The following ATAD2 variants were observed in gnomAD, a reference collection of about 807,000 sequenced individuals.
ATAD2 encodes the protein ATPase family AAA domain-containing protein 2.
In ATAD2, 62 loss-of-function variants were observed where a neutral mutation model predicts 168.9. That is an observed-to-expected ratio of 0.37 (90% CI 0.30 to 0.45). The LOEUF (loss-of-function observed/expected upper bound fraction) is 0.45, where lower values mean the gene tolerates loss of function less well. Among genes scored for constraint, ATAD2 ranks in the 20% least tolerant of loss-of-function variants. The pLI is 1.00. For missense variants in ATAD2, 1,419 were observed against 1,667.8 expected (o/e 0.85, Z 2.60); for synonymous variants, 613 against 571.6 (o/e 1.07, Z -1.03).
At chr8:123,360,381 G>A (rs749935927) in intron 9 of ATAD2, among the ~76,000 whole-genome samples, 2 of 151,996 alleles carry the variant, frequency 1.3e-5, no homozygotes, top group African/African-American at 2.4e-5. Flanking sequence ...TCACCCTGTC[G>A]CCCAGGCTGG....
chr8:123,360,374 C>A (rs1828778078), intron 9 of ATAD2, among the ~76,000 whole-genome samples: 1 of 152,136 alleles, frequency 6.6e-6, no homozygotes, highest in Admixed American at 6.5e-5. Context: ...CTGAGTCTCA[C>A]CCTGTCGCCC....
At chr8:123,349,569 C>T (rs1215512563) in intron 13 of ATAD2, 125 bp from the exon 14 acceptor site, 3 of 850,138 alleles carry the variant, frequency 3.5e-6, no homozygotes, top group African/African-American at 1.8e-5. Context: ...GGGCACCTCA[C>T]TATTTCCAAT....
intron 1 of ATAD2, among the ~76,000 whole-genome samples, chr8:123,403,281 G>A (rs964405493): frequency 2.0e-5 from 3 of 151,904 alleles, no homozygotes; most frequent in Non-Finnish European, 2.9e-5. Context: ...TGTATTTTTC[G>A]TGGAGACGGG....
At chr8:123,400,894 G>A, upstream of ATAD2, 1 of 1,431,794 alleles carries the variant, frequency 7.0e-7, no homozygotes, top group East Asian at 2.3e-5. This position sits in a 1 kb window ranked among gnomAD's most constrained non-coding sequence, Gnocchi z 4.5. Context: ...GGTGCGGAAG[G>A]TCAAGAAGTT....
In ATAD2 at chr8:123,402,171, T is replaced by A; in HGVS notation, c.-2281-996A>T. 1.5e-6 allele frequency: 1 copy of A among 680,170 alleles called. No individual in the cohort carries two copies. The highest frequency in any genetic ancestry group is 1.6e-5 in the South Asian group (1 of 63,082). 42.1% of individuals were successfully genotyped at this position (680,170 alleles called of 1,614,324 possible). On this transcript the variant is annotated intron_variant, in intron 1 of 28. Transcript: ENST00000521903. This position sits in a 1 kb window ranked among gnomAD's most constrained non-coding sequence, Gnocchi z 4.8. The stretch of plus-strand genomic sequence containing the variant: ...CCAGTGTCCACCTTCGGGCATAGCC[T>A]CCCTCCATCACTGAGTGGTCCACAG...
At chr8:123,411,137 C>A (rs535391395) in intron 1 of ATAD2, among the ~76,000 whole-genome samples, 208 of 152,140 alleles carry the variant, frequency 1.4e-3, no homozygotes, top group Non-Finnish European at 2.5e-3. Flanking sequence ...ACAAGGACCC[C>A]TGGTAACATT....
upstream of ATAD2, among the ~76,000 whole-genome samples, chr8:123,397,240 C>CAAAAAAAAAAAAA (rs71310670): frequency 2.5e-5 from 1 of 40,034 alleles, no homozygotes; most frequent in East Asian, 1.3e-3. Context: ...GACTCTGTCT[C>CAAAAAAAAAAAAA]AAAAAAAAAA....
At chr8:123,330,518 G>C (rs1462524732) in intron 24 of ATAD2, among the ~76,000 whole-genome samples, 1 of 151,878 alleles carries the variant, frequency 6.6e-6, no homozygotes, top group African/African-American at 2.4e-5. Context: ...TGCCGCCACC[G>C]TGCCCGGCTA....
At chr8:123,345,950 T>C (rs1828225837) in intron 18 of ATAD2, 136 bp downstream of exon 18, 1 of 594,658 alleles carries the variant, frequency 1.7e-6, no homozygotes, top group African/African-American at 1.9e-5. Flanking sequence ...GACTAAGCAA[T>C]CATGCATAAC....
At chr8:123,340,280 GCAAA>G (rs745935630) in intron 19 of ATAD2, among the ~76,000 whole-genome samples, 5 of 152,022 alleles carry the variant, frequency 3.3e-5, no homozygotes, top group Admixed American at 6.6e-5. Context: ...AAAATAAAAA[GCAAA>G]CAAACAAACA....
chr8:123,373,989 T>TA (rs1829233498), intron 2 of ATAD2, among the ~76,000 whole-genome samples: 1 of 152,140 alleles, frequency 6.6e-6, no homozygotes, highest in South Asian at 2.1e-4. Flanking sequence ...CCTGATGAGT[T>TA]AACTTATATA....
chr8:123,404,050 C>A (rs983641127), intron 1 of ATAD2, among the ~76,000 whole-genome samples: 2 of 152,092 alleles, frequency 1.3e-5, no homozygotes, highest in African/African-American at 2.4e-5. Flanking sequence ...CTGGGCTAAA[C>A]CAATTAGGAG....
intron 1 of ATAD2, among the ~76,000 whole-genome samples, chr8:123,409,342 T>TAC (rs905477297): frequency 3.3e-5 from 5 of 152,200 alleles, no homozygotes; most frequent in African/African-American, 1.2e-4. Flanking sequence ...ATAAGGACTC[T>TAC]ACCCTCTGAG....
At chr8:123,339,267 C>T (rs944392905) in intron 20 of ATAD2, 44 bp downstream of exon 20, 6 of 1,426,512 alleles carry the variant, frequency 4.2e-6, no homozygotes, top group Non-Finnish European at 5.7e-6. Flanking sequence ...TTCATTCCTA[C>T]TTTCTCAAAA....
intron 14 of ATAD2, 79 bp downstream of exon 14, chr8:123,349,206 A>C: frequency 7.0e-7 from 1 of 1,434,708 alleles, no homozygotes; most frequent in Non-Finnish European, 9.4e-7. Flanking sequence ...AAGAATCTCC[A>C]AATTTTTACT....
chr8:123,373,295 C>G (rs1431095046), intron 2 of ATAD2, among the ~76,000 whole-genome samples: 1 of 151,984 alleles, frequency 6.6e-6, no homozygotes, highest in African/African-American at 2.4e-5. Flanking sequence ...CCAGTTCTCC[C>G]ACCTTAGCCT....
chr8:123,397,033 C>T (rs1812881064), upstream of ATAD2, among the ~76,000 whole-genome samples: 1 of 151,562 alleles, frequency 6.6e-6, no homozygotes, highest in Admixed American at 6.6e-5. Context: ...AGAGTGCCAT[C>T]GTTTAGTTAA....
chr8:123,408,830 C>CTTTTTTT (rs763955875), intron 1 of ATAD2, among the ~76,000 whole-genome samples: 2 of 140,952 alleles, frequency 1.4e-5, no homozygotes, highest in Non-Finnish European at 3.1e-5. Context: ...AAGATATATT[C>CTTTTTTT]TTTTTTTTTT....
chr8:123,340,498 A>AT (rs1176195162), intron 19 of ATAD2, among the ~76,000 whole-genome samples: 2 of 152,220 alleles, frequency 1.3e-5, no homozygotes, highest in Non-Finnish European at 2.9e-5. Flanking sequence ...AAAAACTCAA[A>AT]TGAGTATTTG....
Sources: allele counts gnomAD v4.1 joint callset (sites outside exome capture counted in the v4.1 genomes callset), GRCh38; gene constraint gnomAD v4.1.1; non-coding constraint Gnocchi (gnomAD v3.1); transcripts MANE v1.5; gene names NCBI Gene and HGNC (gene_info 2026-07-23, HGNC 2026-07-21).